The following SLC25A48 variants were observed in gnomAD, a reference collection of about 807,000 sequenced individuals.
The protein encoded by SLC25A48 is CTC-321K16.1.
In SLC25A48, 29 loss-of-function variants were observed where a neutral mutation model predicts 32.2. That is an observed-to-expected ratio of 0.90 (90% CI 0.67 to 1.23). The LOEUF (loss-of-function observed/expected upper bound fraction) is 1.23. Among genes scored for constraint, SLC25A48 ranks in the 50% most tolerant of loss-of-function variants. The probability of loss-of-function intolerance (pLI) is 0.00; values close to 1 mark genes in which losing one functional copy is unlikely to be tolerated. For synonymous variants in SLC25A48, 164 were observed against 172.3 expected (o/e 0.95, Z 0.38); for missense variants, 399 against 422.7 (o/e 0.94, Z 0.49).
chr5:135,601,904 G>T (rs1448771282), intron 1 of SLC25A48, among the ~76,000 whole-genome samples: 1 of 152,168 alleles, frequency 6.6e-6, no homozygotes, highest in Non-Finnish European at 1.5e-5. Context: ...CTGGGCATTG[G>T]TTTCTTCTTT....
intron 3 of SLC25A48, among the ~76,000 whole-genome samples, chr5:135,662,493 C>A (rs1753427809): frequency 6.6e-6 from 1 of 152,196 alleles, no homozygotes; most frequent in African/African-American, 2.4e-5. Flanking sequence ...GCAACTCCTG[C>A]TAGCCCCTGT....
intron 3 of SLC25A48, among the ~76,000 whole-genome samples, chr5:135,724,724 TCTC>T (rs1326909393): frequency 2.6e-4 from 39 of 152,340 alleles, no homozygotes; most frequent in African/African-American, 5.8e-4. Flanking sequence ...AGGGTTCTGT[TCTC>T]CTCGTTGGGA....
intron 4 of SLC25A48, among the ~76,000 whole-genome samples, chr5:135,823,720 C>T (rs1319300512): frequency 6.6e-6 from 1 of 152,008 alleles, no homozygotes; most frequent in African/African-American, 2.4e-5. Context: ...AGGGTGGTGG[C>T]AGTCATGAAG....
intron 4 of SLC25A48, among the ~76,000 whole-genome samples, chr5:135,814,905 T>A (rs572169539): frequency 4.2e-4 from 64 of 152,366 alleles, no homozygotes; most frequent in Admixed American, 1.4e-3. Context: ...GGGAGGCCAC[T>A]GCCTCGTGAA....
chr5:135,588,738 A>G (rs1381455413), intron 1 of SLC25A48, among the ~76,000 whole-genome samples: 1 of 151,370 alleles, frequency 6.6e-6, no homozygotes, highest in Non-Finnish European at 1.5e-5. Flanking sequence ...GCCTGAGGTC[A>G]GAACACATGT....
At chr5:135,823,237 A>G (rs1446441831) in intron 4 of SLC25A48, among the ~76,000 whole-genome samples, 7 of 152,160 alleles carry the variant, frequency 4.6e-5, no homozygotes, top group Admixed American at 2.0e-4. Context: ...CACAAGTGGA[A>G]CAGCCTGGGG....
At chr5:135,858,007 A>T (rs566781997) in intron 4 of SLC25A48, among the ~76,000 whole-genome samples, 3 of 152,164 alleles carry the variant, frequency 2.0e-5, no homozygotes, top group Non-Finnish European at 4.4e-5. Flanking sequence ...TCCTTCCACC[A>T]TGGGGAGGTG....
chr5:135,750,534 A>C (rs1364249066), intron 3 of SLC25A48, among the ~76,000 whole-genome samples: 1 of 152,176 alleles, frequency 6.6e-6, no homozygotes, highest in East Asian at 1.9e-4. Flanking sequence ...TCTCTCCGTC[A>C]AAGCATCACA....
intron 1 of SLC25A48, among the ~76,000 whole-genome samples, chr5:135,596,717 A>T (rs1481936418): frequency 6.6e-6 from 1 of 152,076 alleles, no homozygotes; most frequent in African/African-American, 2.4e-5. Context: ...GAATTTTCTT[A>T]TCCTGTGTAA....
chr5:135,856,414 A>G (rs1377909462), intron 4 of SLC25A48, among the ~76,000 whole-genome samples: 2 of 152,284 alleles, frequency 1.3e-5, no homozygotes, highest in African/African-American at 4.8e-5. Flanking sequence ...AGCATGTATC[A>G]TGGTCAGAGC....
At chr5:135,848,113 C>T (rs909411482) in intron 2 of SLC25A48, among the ~76,000 whole-genome samples, 5 of 152,168 alleles carry the variant, frequency 3.3e-5, no homozygotes, top group East Asian at 3.9e-4. Flanking sequence ...CCAGCCTACC[C>T]GAGTGCTCAG....
At chr5:135,777,917 G>A (rs1348839917) in intron 3 of SLC25A48, among the ~76,000 whole-genome samples, 1 of 151,720 alleles carries the variant, frequency 6.6e-6, no homozygotes, top group Non-Finnish European at 1.5e-5. Flanking sequence ...CATCCCACCT[G>A]TGATATTGTT....
rs1264204941 is a variant in SLC25A48, at chr5:135,807,931, T to G, written c.-520-4592T>G. Among the ~76,000 whole-genome samples the G allele has an allele frequency of 3.3e-5, 5 of 149,688 alleles. No homozygotes were observed. The South Asian group carries it at 8.5e-4, about 25-fold the overall frequency. ...ACACTGTATATTATAAATATCTTAG[T>G]TTTTTTTTAATATCATAGTGTGTTT... On this transcript the variant is annotated intron_variant, in intron 3 of 10. Coordinates refer to the SLC25A48 transcript ENST00000646290.
intron 3 of SLC25A48, among the ~76,000 whole-genome samples, chr5:135,787,259 T>G (rs1340095858): frequency 6.6e-6 from 1 of 152,132 alleles, no homozygotes; most frequent in Non-Finnish European, 1.5e-5. Context: ...GGGATTTTAC[T>G]CCTAATATCA....
intron 7 of SLC25A48, among the ~76,000 whole-genome samples, chr5:135,882,397 C>T (rs1762538662): frequency 1.3e-5 from 2 of 152,106 alleles, no homozygotes; most frequent in African/African-American, 4.8e-5. Flanking sequence ...TGAATGCCTC[C>T]CTCATTGTCT....
At chr5:135,828,279 C>T (rs1187792031) in intron 4 of SLC25A48, among the ~76,000 whole-genome samples, 2 of 152,244 alleles carry the variant, frequency 1.3e-5, no homozygotes, top group Non-Finnish European at 2.9e-5. Flanking sequence ...CAGACGTGAA[C>T]ACTCAGGACA....
intron 3 of SLC25A48, among the ~76,000 whole-genome samples, chr5:135,727,015 T>G (rs923368770): frequency 9.9e-5 from 15 of 152,194 alleles, no homozygotes; most frequent in Non-Finnish European, 1.9e-4. Flanking sequence ...TGTAGTGATA[T>G]CTCTTTGTGA....
chr5:135,646,678 T>TATATATATATATATATATAC (rs966073970), intron 3 of SLC25A48, among the ~76,000 whole-genome samples: 2 of 136,754 alleles, frequency 1.5e-5, no homozygotes, highest in Non-Finnish European at 1.6e-5. Flanking sequence ...TATATATATA[T>TATATATATATATATATATAC]ACAATGGGAA....
intron 3 of SLC25A48, among the ~76,000 whole-genome samples, chr5:135,658,630 G>A (rs540848712): frequency 3.9e-5 from 6 of 152,196 alleles, no homozygotes; most frequent in Non-Finnish European, 7.3e-5. Context: ...CCTCTGCACT[G>A]CCCTAGCAGA....
Sources: gnomAD v4.1 joint callset for allele counts (sites outside exome capture counted in the v4.1 genomes callset) on GRCh38, gnomAD v4.1.1 for gene constraint, MANE v1.5 for transcripts, NCBI Gene and HGNC (gene_info 2026-07-23, HGNC 2026-07-21) for gene names.